KIAA1328: variants seen among roughly 807,000 people sequenced by gnomAD.
KIAA1328 encodes KIAA1328, also known as protein hinderin.
In KIAA1328, 52 loss-of-function variants were observed where a neutral mutation model predicts 68.1. That is an observed-to-expected ratio of 0.76 (90% CI 0.61 to 0.96). KIAA1328 has a LOEUF of 0.96. KIAA1328 is among the 40% of genes least tolerant of loss of function. The probability of loss-of-function intolerance (pLI) is 0.00; values close to 1 mark genes in which losing one functional copy is unlikely to be tolerated. For missense variants in KIAA1328, 641 were observed against 677.6 expected (o/e 0.95, Z 0.60); for synonymous variants, 232 against 239.4 (o/e 0.97, Z 0.28).
chr18:37,200,085 ATC>A (rs1189468116), intron 9 of KIAA1328, among the ~76,000 whole-genome samples: 1 of 152,212 alleles, frequency 6.6e-6, no homozygotes, highest in Non-Finnish European at 1.5e-5. Flanking sequence ...TTTTAGAACA[ATC>A]TCTGTTTGAA....
At chr18:37,069,386 A>G (rs2151744325) in intron 7 of KIAA1328, among the ~76,000 whole-genome samples, 1 of 152,156 alleles carries the variant, frequency 6.6e-6, no homozygotes, top group East Asian at 1.9e-4. Context: ...CAGCCTCCCA[A>G]GTAGCTGGGA....
At chr18:37,082,869 A>G (rs563526864) in intron 7 of KIAA1328, among the ~76,000 whole-genome samples, 2 of 152,302 alleles carry the variant, frequency 1.3e-5, no homozygotes, top group Admixed American at 1.3e-4. Flanking sequence ...TGTATAATGA[A>G]TAAAAATCAA....
chr18:36,987,408 C>T (rs1219210028), intron 6 of KIAA1328, among the ~76,000 whole-genome samples: 41 of 145,832 alleles, frequency 2.8e-4, no homozygotes, highest in Non-Finnish European at 5.1e-4. Context: ...GTGGGTGCAG[C>T]GCACCAGCAT....
At chr18:36,888,254 A>G (rs774830346) in intron 5 of KIAA1328, among the ~76,000 whole-genome samples, 24 of 152,168 alleles carry the variant, frequency 1.6e-4, no homozygotes, top group Non-Finnish European at 3.2e-4. Context: ...TGTATTGTCC[A>G]TGGCTGCTTT....
At chr18:36,859,140 A>G (rs2047475647) in intron 4 of KIAA1328, among the ~76,000 whole-genome samples, 1 of 152,118 alleles carries the variant, frequency 6.6e-6, no homozygotes. Flanking sequence ...TGCCAATATT[A>G]AACTATTTTA....
chr18:36,841,701 T>C (rs754528335), intron 3 of KIAA1328, among the ~76,000 whole-genome samples: 127 of 152,284 alleles, frequency 8.3e-4, no homozygotes, highest in Admixed American at 7.2e-4. Context: ...CCATAAGCAA[T>C]ATGCAAATGA....
intron 7 of KIAA1328, among the ~76,000 whole-genome samples, chr18:37,103,162 TA>T (rs1303513658): frequency 6.6e-6 from 1 of 152,156 alleles, no homozygotes; most frequent in Non-Finnish European, 1.5e-5. Context: ...ATATAAAATA[TA>T]AATCTTAAAA....
At chr18:37,177,594 T>C (rs754378272) in intron 9 of KIAA1328, among the ~76,000 whole-genome samples, 12 of 152,160 alleles carry the variant, frequency 7.9e-5, no homozygotes, top group Admixed American at 2.6e-4. Context: ...GTTTCTAGGA[T>C]GTACTGTTCA....
chr18:36,956,208 A>G lies in KIAA1328; in HGVS notation c.449-3100A>G, dbSNP rs1030976796. Among the ~76,000 whole-genome samples, 3 of 152,182 alleles carry G rather than the reference A, an allele frequency of 2.0e-5. No individual in the cohort carries two copies. In the East Asian group the frequency reaches 5.8e-4, roughly 29 times the overall value. ...AGGTTTTGATGTAATCTTGCTTAAT[A>G]CTAATTTATATTTATTTATTTGTGC... On this transcript the variant is annotated intron_variant, in intron 5 of 9. Coordinates refer to ENST00000280020, the MANE Select transcript of KIAA1328 (RefSeq NM_020776.3).
At chr18:37,207,339 G>A (rs1599596315) in intron 9 of KIAA1328, among the ~76,000 whole-genome samples, 1 of 152,134 alleles carries the variant, frequency 6.6e-6, no homozygotes, top group African/African-American at 2.4e-5. Context: ...TGGTTAGGTC[G>A]TTCCTGACTT....
chr18:36,957,322 A>G (rs1257878537), intron 5 of KIAA1328, among the ~76,000 whole-genome samples: 2 of 152,164 alleles, frequency 1.3e-5, no homozygotes, highest in South Asian at 2.1e-4. Flanking sequence ...TTTTATACCA[A>G]CAGCATACAT....
chr18:37,061,532 C>T (rs892524054), intron 6 of KIAA1328, among the ~76,000 whole-genome samples: 7 of 152,084 alleles, frequency 4.6e-5, no homozygotes, highest in African/African-American at 9.7e-5. Context: ...TGTTATATCT[C>T]GGAAGACAAT....
chr18:36,850,717 A>T (rs1298232158), intron 4 of KIAA1328, among the ~76,000 whole-genome samples: 1 of 152,160 alleles, frequency 6.6e-6, no homozygotes, highest in Non-Finnish European at 1.5e-5. Flanking sequence ...GGGATGCTAC[A>T]TGACTAACGC....
At chr18:37,004,628 A>C (rs1463828331) in intron 6 of KIAA1328, among the ~76,000 whole-genome samples, 1 of 152,096 alleles carries the variant, frequency 6.6e-6, no homozygotes, top group Admixed American at 6.6e-5. Context: ...CAGTGAAAAG[A>C]AAACACTTCT....
At chr18:37,193,508 A>G in intron 9 of KIAA1328, 1 of 663,802 alleles carries the variant, frequency 1.5e-6, no homozygotes, top group South Asian at 1.6e-5. Context: ...AAAAACTTTT[A>G]CAGTTTCAGA....
downstream of KIAA1328, among the ~76,000 whole-genome samples, chr18:37,226,458 C>A (rs1485685045): frequency 6.6e-6 from 1 of 152,092 alleles, no homozygotes; most frequent in East Asian, 1.9e-4. Flanking sequence ...TAGCAGTCAC[C>A]CTCCATACTG....
At position 36,959,311 on chromosome 18, in the gene KIAA1328, T is replaced by C; in HGVS notation, c.452T>C (p.Leu151Pro). The change falls in exon 6 of 10, where the codon CTT becomes CCT. Residue 151 changes from leucine to proline, a missense_variant. Transcript: ENST00000280020. ...TTCCCTTAATTTGCAATCTCACCTCTTCAGCTACAGTATAGAGAATGCCAA... is the reference window on the plus strand; with the variant it reads ...TTCCCTTAATTTGCAATCTCACCTCCTCAGCTACAGTATAGAGAATGCCAA... ...NELIIKEREA[L>P]QLQYRECQEL... is the part of the protein sequence containing the mutation. 6.3e-7 allele frequency: 1 copy of C among 1,582,314 alleles called. No individual in the cohort carries two copies. Among genetic ancestry groups the C allele is most frequent in the Non-Finnish European group, 8.5e-7 (1 of 1,169,780 alleles).
chr18:37,068,651 C>G (rs962562162), intron 7 of KIAA1328, among the ~76,000 whole-genome samples: 3 of 152,042 alleles, frequency 2.0e-5, no homozygotes, highest in African/African-American at 7.2e-5. Flanking sequence ...TCAGTATTGC[C>G]CATATTCTAA....
chr18:36,959,335 A>G lies in KIAA1328; in HGVS notation c.476A>G (p.Gln159Arg), dbSNP rs776029314. ...CTTCAGCTACAGTATAGAGAATGCCAAGAACTTCTAAGCCTGTATCAGAAA... is the reference window on the plus strand; with the variant it reads ...CTTCAGCTACAGTATAGAGAATGCCGAGAACTTCTAAGCCTGTATCAGAAA... ...EALQLQYREC[Q>R]ELLSLYQKYL... Residue 159 changes from glutamine to arginine, a missense_variant, in exon 6 of 10, where the codon CAA (glutamine) becomes CGA (arginine). Gln to Arg is a conservative substitution (Grantham distance 43). Coordinates refer to ENST00000280020, the MANE Select transcript of KIAA1328 (RefSeq NM_020776.3). The G allele has an allele frequency of 8.7e-6, 14 of 1,602,532 alleles. No homozygotes were observed. The Admixed American group carries it at 2.4e-4, about 28-fold the overall frequency.
Sources: allele counts gnomAD v4.1 joint callset (sites outside exome capture counted in the v4.1 genomes callset), GRCh38; gene constraint gnomAD v4.1.1; transcripts MANE v1.5; gene names NCBI Gene and HGNC (gene_info 2026-07-23, HGNC 2026-07-21).